ATP2A3: variants seen among roughly 807,000 people sequenced by gnomAD.
The protein encoded by ATP2A3 is sarcoplasmic/endoplasmic reticulum calcium ATPase 3.
ATP2A3 carries 61 observed loss-of-function variants against 106.8 expected under a neutral mutation model. That is an observed-to-expected ratio of 0.57 (90% CI 0.46 to 0.71). The LOEUF (loss-of-function observed/expected upper bound fraction) is 0.71, where lower values mean the gene tolerates loss of function less well. ATP2A3 is among the 30% of genes least tolerant of loss of function. ATP2A3 has a pLI of 0.00. For synonymous variants in ATP2A3, 611 were observed against 609.3 expected, an observed-to-expected ratio of 1.00 and a Z score of -0.04; for missense variants, 1,201 against 1,423.5, an observed-to-expected ratio of 0.84 and a Z score of 2.52.
At position 3,936,236 on chromosome 17, in the gene ATP2A3, G is replaced by A. The variant is rs757627811; in HGVS notation, c.2524+31C>T. ...GATACAAGGCTCTTAGGAAGCTTAG[G>A]AATTCCACGGAGGGCTCAGGCCCCA... On this transcript the variant is annotated intron_variant, in intron 16 of 20. Transcript: ENST00000397041. The surrounding 1 kb of genome is among the most constrained non-coding windows in gnomAD (Gnocchi z 5.4). The A allele has an allele frequency of 6.8e-6, 11 of 1,612,602 alleles. No homozygotes were observed. The Middle Eastern group carries it at 6.6e-4, about 96-fold the overall frequency.
At position 3,953,301 on chromosome 17, in the gene ATP2A3, C is replaced by T; in HGVS notation, c.219+46G>A. The T allele has an allele frequency of 5.0e-6, 8 of 1,599,556 alleles. No individual in the cohort carries two copies. In the Admixed American group the frequency reaches 1.0e-4, roughly 20 times the overall value. On this transcript the variant is annotated intron_variant, in intron 3 of 20. Coordinates refer to ENST00000397041, the MANE Select transcript of ATP2A3 (RefSeq NM_005173.4). The surrounding 1 kb of genome is among the most constrained non-coding windows in gnomAD (Gnocchi z 5.1). ...AGCACTGCCCAGCCTGGCTCTCCCT[C>T]CAGGGCTACCGACTACCACAGGATG...
chr17:3,931,033 G>A (rs1056785080), intron 17 of ATP2A3, among the ~76,000 whole-genome samples: 2 of 151,962 alleles, frequency 1.3e-5, no homozygotes, highest in Non-Finnish European at 2.9e-5. Context: ...CCAGCTACTC[G>A]GGAGGCTGAG....
chr17:3,943,635 T>C, intron 10 of ATP2A3, 113 bp from the exon 11 acceptor site: 1 of 1,536,264 alleles, frequency 6.5e-7, no homozygotes, highest in Non-Finnish European at 8.9e-7. Flanking sequence ...CCGTGTAACC[T>C]CCTTTGCACC....
chr17:3,946,964 G>A (rs766618170), intron 8 of ATP2A3, among the ~76,000 whole-genome samples: 7 of 152,212 alleles, frequency 4.6e-5, no homozygotes. Context: ...CCAGGTTACC[G>A]GAGCTGGCTT....
At chr17:3,959,455 A>G (rs1185209026) in intron 1 of ATP2A3, among the ~76,000 whole-genome samples, 1 of 152,178 alleles carries the variant, frequency 6.6e-6, no homozygotes, top group Non-Finnish European at 1.5e-5. Flanking sequence ...TCCGTGGTGC[A>G]GGCCAGGGCC....
chr17:3,947,807 C>A lies in ATP2A3; in HGVS notation c.679G>T (p.Gly227Cys). The A allele has an allele frequency of 6.3e-7, 1 of 1,599,842 alleles. No individual in the cohort carries two copies. The highest frequency in any genetic ancestry group is 1.1e-5 in the South Asian group (1 of 91,086). The change falls in exon 8 of 21, where the codon GGC (glycine) becomes TGC (cysteine). Residue 227 changes from glycine to cysteine, a missense_variant. Gly to Cys is a radical substitution (Grantham distance 159). This residue lies in a region of ATP2A3 where 935 missense variants were observed against 1,176.7 expected (regional missense o/e 0.79). Transcript: ENST00000397041. This position sits in a 1 kb window ranked among gnomAD's most constrained non-coding sequence, Gnocchi z 7.7. ...GKAVGVAVAT[G>C]LHTELGKIRS... ...ATCTTGCCCAGCTCCGTGTGCAGGC[C>A]GGTGGCCACGGCCACACCCACCGCT...
At position 3,942,631 on chromosome 17, in the gene ATP2A3, C is replaced by CGG; in HGVS notation, c.1519_1520insCC (p.Gly507AlafsTer9). The CGG allele has an allele frequency of 6.2e-7, 1 of 1,612,540 alleles. No individual in the cohort carries two copies. The highest frequency in any genetic ancestry group is 1.1e-5 in the South Asian group (1 of 91,090). On this transcript the variant is annotated frameshift_variant, in exon 12 of 21. Coordinates refer to ENST00000397041, the MANE Select transcript of ATP2A3 (RefSeq NM_005173.4). LOFTEE classifies it high-confidence loss of function. ...CTTCACAAACATCTTGCTGCCCTGG[C>CGG]CAGTAGGGTGAGGGCGGGTGGGCGT...
In ATP2A3 at chr17:3,943,555, G is replaced by C. The variant is rs974163603; in HGVS notation, c.1288-33C>G. The C allele has an allele frequency of 1.9e-6, 3 of 1,613,340 alleles. No individual in the cohort carries two copies. The Admixed American group carries it at 5.0e-5, about 27-fold the overall frequency. On this transcript the variant is annotated intron_variant, in intron 10 of 20. Coordinates refer to ENST00000397041, the MANE Select transcript of ATP2A3 (RefSeq NM_005173.4). ...GGACCCAGGGGATAGGGAGTGAGGG[G>C]CAGGCAGCCTCCAGCCCGCATCCCC...
Position 3,936,433 on chromosome 17 carries a change from G to A in ATP2A3, c.2358C>T (p.Ala786=). 1 of 1,614,108 alleles carries A rather than the reference G, an allele frequency of 6.2e-7. No individual in the cohort carries two copies. Among genetic ancestry groups the A allele is most frequent in the Non-Finnish European group, 8.5e-7 (1 of 1,180,028 alleles). ...FLTAILGLPE[A]LIPVQLLWVN... ...CCCAGAGCAGCTGCACAGGGATCAG[G>A]GCTTCGGGCAGGCCCAGAATTGCCG... Residue 786 remains alanine (A), a synonymous_variant, in exon 16 of 21, where the codon GCC becomes GCT. Coordinates refer to ENST00000397041, the MANE Select transcript of ATP2A3 (RefSeq NM_005173.4). The surrounding 1 kb of genome is among the most constrained non-coding windows in gnomAD (Gnocchi z 5.4).
Position 3,936,543 on chromosome 17 carries a change from A to C in ATP2A3, c.2322-74T>G, listed in dbSNP as rs1002536375. 3.2e-5 allele frequency: 49 copies of C among 1,539,094 alleles called. No homozygotes were observed. Among genetic ancestry groups the C allele is most frequent in the Admixed American group, 1.2e-4 (7 of 59,266 alleles). ...GATGCAGGCTCCAGCTCCTGCTCAG[A>C]CCCAAGGCTGGGAGCTCACCCACCC... On this transcript the variant is annotated intron_variant, in intron 15 of 20. Transcript: ENST00000397041. This position sits in a 1 kb window ranked among gnomAD's most constrained non-coding sequence, Gnocchi z 5.4.
intron 14 of ATP2A3, among the ~76,000 whole-genome samples, chr17:3,937,948 G>A (rs1032250353): frequency 1.3e-5 from 2 of 152,136 alleles, no homozygotes; most frequent in Non-Finnish European, 2.9e-5. Flanking sequence ...TGGATGTGGG[G>A]TAGAAGATGA....
chr17:3,951,546 G>GGCCCCCC, intron 4 of ATP2A3, 35 bp downstream of exon 4: 48 of 1,319,550 alleles, frequency 3.6e-5, no homozygotes, highest in Admixed American at 1.0e-4. Context: ...CTGGGAGACC[G>GGCCCCCC]CCCCCCGCCC....
At chr17:3,951,980 C>G (rs1467823426) in intron 3 of ATP2A3, among the ~76,000 whole-genome samples, 1 of 152,148 alleles carries the variant, frequency 6.6e-6, no homozygotes, top group East Asian at 1.9e-4. Context: ...CCCAGACCAG[C>G]AGCAGCAGCA....
chr17:3,956,052 T>G (rs946691910), intron 1 of ATP2A3, among the ~76,000 whole-genome samples: 8 of 152,066 alleles, frequency 5.3e-5, no homozygotes, highest in Non-Finnish European at 1.2e-4. Flanking sequence ...CAGCTAATTT[T>G]TGTATTTTCA....
rs2054596156 is a variant in ATP2A3 at position 3,953,796 on chromosome 17, C to T, written c.119-86G>A. ...GGGCCTCGGGGGAGTCTGGCAGTGC[C>T]TCCCCACCGTGCCCGCCCAGACCCC... On this transcript the variant is annotated intron_variant, in intron 1 of 20. Coordinates refer to ENST00000397041, the MANE Select transcript of ATP2A3 (RefSeq NM_005173.4). This position sits in a 1 kb window ranked among gnomAD's most constrained non-coding sequence, Gnocchi z 5.1. 2 of 1,447,378 alleles carry T rather than the reference C, an allele frequency of 1.4e-6. No individual in the cohort carries two copies. The highest frequency in any genetic ancestry group is 2.5e-5 in the East Asian group (1 of 40,438). The allele number at this position is 1,447,378 out of a possible 1,614,324, so 89.7% of individuals were successfully genotyped here. A position where few individuals can be genotyped will look rare whatever the true frequency, so the allele number is the denominator to read the frequency against.
chr17:3,953,478 C>G lies in ATP2A3; in HGVS notation c.137-49G>C, dbSNP rs17846882. ...GGCTGGGCCCCCACCACTGACCCTG[C>G]CCACTCAGAGCTGGGATGGCCCGGG... is the stretch of plus-strand genomic sequence containing the variant. On this transcript the variant is annotated intron_variant, in intron 2 of 20. Transcript: ENST00000397041. This position sits in a 1 kb window ranked among gnomAD's most constrained non-coding sequence, Gnocchi z 5.1. 1.8e-5 allele frequency: 28 copies of G among 1,595,600 alleles called. No individual in the cohort carries two copies. In the East Asian group the frequency reaches 6.0e-4, roughly 34 times the overall value.
At chr17:3,932,875 G>T (rs933198642) in intron 17 of ATP2A3, among the ~76,000 whole-genome samples, 1 of 151,710 alleles carries the variant, frequency 6.6e-6, no homozygotes, top group African/African-American at 2.4e-5. Context: ...GATCTTAATG[G>T]CCTATCCATA....
intron 14 of ATP2A3, among the ~76,000 whole-genome samples, chr17:3,939,015 A>G (rs982411697): frequency 6.6e-6 from 1 of 152,138 alleles, no homozygotes; most frequent in Admixed American, 6.5e-5. Flanking sequence ...AAAAATTAAA[A>G]AATTAGCCAG....
chr17:3,932,063 C>T (rs772780829), intron 17 of ATP2A3, among the ~76,000 whole-genome samples: 2 of 152,170 alleles, frequency 1.3e-5, no homozygotes, highest in Non-Finnish European at 2.9e-5. Context: ...TCTCTTAAAT[C>T]GATAGTGGAC....
Sources: gnomAD v4.1 joint callset for allele counts (sites outside exome capture counted in the v4.1 genomes callset) on GRCh38, gnomAD v4.1.1 for gene constraint, gnomAD v4.1.1 regional missense constraint, Gnocchi (gnomAD v3.1) non-coding constraint, MANE v1.5 for transcripts, NCBI Gene and HGNC (gene_info 2026-07-23, HGNC 2026-07-21) for gene names.